Variants in GALNT10 observed in about 807,000 individuals in gnomAD.
The protein encoded by GALNT10 is polypeptide N-acetylgalactosaminyltransferase 10.
In GALNT10, 41 loss-of-function variants were observed where a neutral mutation model predicts 75.0. That is an observed-to-expected ratio of 0.55 (90% CI 0.43 to 0.71). GALNT10 has a LOEUF of 0.71. Among genes scored for constraint, GALNT10 ranks in the 30% least tolerant of loss-of-function variants. GALNT10 has a pLI of 0.00. For synonymous variants in GALNT10, 302 were observed against 313.0 expected (o/e 0.96, Z 0.37); for missense variants, 727 against 818.5 (o/e 0.89, Z 1.36).
intron 1 of GALNT10, among the ~76,000 whole-genome samples, chr5:154,239,235 C>T (rs1157610381): frequency 6.6e-6 from 1 of 152,218 alleles, no homozygotes; most frequent in Non-Finnish European, 1.5e-5. Context: ...CAGGAGTCCT[C>T]TGCTGCCACT....
intron 7 of GALNT10, among the ~76,000 whole-genome samples, chr5:154,389,896 G>A (rs530336556): frequency 6.6e-6 from 1 of 151,684 alleles, no homozygotes; most frequent in East Asian, 1.9e-4. Flanking sequence ...TTAAAATATT[G>A]TATTAAATAC....
At chr5:154,219,110 C>G (rs901316075) in intron 1 of GALNT10, among the ~76,000 whole-genome samples, 1 of 152,230 alleles carries the variant, frequency 6.6e-6, no homozygotes, top group Non-Finnish European at 1.5e-5. Flanking sequence ...CATCTGTAGT[C>G]GTAGTCCCCT....
intron 1 of GALNT10, among the ~76,000 whole-genome samples, chr5:154,211,898 C>T (rs1471172914): frequency 6.6e-6 from 1 of 152,182 alleles, no homozygotes; most frequent in African/African-American, 2.4e-5. Context: ...AGCCACAGTC[C>T]TTCTAGGACC....
chr5:154,212,110 T>A (rs1581920466), intron 1 of GALNT10, among the ~76,000 whole-genome samples: 1 of 152,270 alleles, frequency 6.6e-6, no homozygotes, highest in East Asian at 1.9e-4. Flanking sequence ...GAAGTTTACA[T>A]CATCTGTTGA....
intron 1 of GALNT10, among the ~76,000 whole-genome samples, chr5:154,209,081 A>G (rs1188273353): frequency 6.6e-6 from 1 of 152,220 alleles, no homozygotes; most frequent in Non-Finnish European, 1.5e-5. Context: ...CACCCAAGGG[A>G]ATGGGTGCTG....
intron 6 of GALNT10, among the ~76,000 whole-genome samples, chr5:154,385,608 A>T (rs1259253394): frequency 6.6e-6 from 1 of 151,994 alleles, no homozygotes; most frequent in Non-Finnish European, 1.5e-5. Flanking sequence ...GGGCTGCCCC[A>T]CTACACCAAC....
chr5:154,327,273 T>C (rs1248870291), intron 3 of GALNT10, among the ~76,000 whole-genome samples: 1 of 152,154 alleles, frequency 6.6e-6, no homozygotes, highest in African/African-American at 2.4e-5. Flanking sequence ...GCATAGAAAC[T>C]ATAACCAACC....
At chr5:154,372,967 T>C (rs1442580366) in intron 4 of GALNT10, among the ~76,000 whole-genome samples, 1 of 152,188 alleles carries the variant, frequency 6.6e-6, no homozygotes, top group East Asian at 1.9e-4. Context: ...TGAGTCATTA[T>C]TAAATTAGGG....
intron 1 of GALNT10, chr5:154,218,278 T>C (rs1291949918): frequency 3.8e-6 from 1 of 260,714 alleles, no homozygotes; most frequent in African/African-American, 2.3e-5. Flanking sequence ...GAGATTCTCA[T>C]TGAATTCTCC....
intron 1 of GALNT10, among the ~76,000 whole-genome samples, chr5:154,221,320 G>A (rs1752974877): frequency 6.6e-6 from 1 of 152,174 alleles, no homozygotes; most frequent in South Asian, 2.1e-4. Flanking sequence ...GGAGCACTGG[G>A]AAGGCCCCAT....
At chr5:154,282,676 A>C (rs1754056057) in intron 1 of GALNT10, among the ~76,000 whole-genome samples, 1 of 152,218 alleles carries the variant, frequency 6.6e-6, no homozygotes, top group African/African-American at 2.4e-5. Flanking sequence ...TTTGTAGCCC[A>C]TTAAGTTGAC....
At chr5:154,359,656 T>G (rs1247103203) in intron 4 of GALNT10, among the ~76,000 whole-genome samples, 1 of 151,950 alleles carries the variant, frequency 6.6e-6, no homozygotes, top group African/African-American at 2.4e-5. Flanking sequence ...AGGGTATGGC[T>G]TCCTCTTTGA....
At chr5:154,268,624 A>C (rs1480271503) in intron 1 of GALNT10, among the ~76,000 whole-genome samples, 1 of 152,200 alleles carries the variant, frequency 6.6e-6, no homozygotes, top group African/African-American at 2.4e-5. Flanking sequence ...TATTCAAGGA[A>C]GTGTGTTGGT....
At chr5:154,219,812 G>GCTCTCTCTCT (rs60804248) in intron 1 of GALNT10, 2 of 140,800 alleles carry the variant, frequency 1.4e-5, no homozygotes, top group Admixed American at 7.2e-5. Context: ...ACTCTCTCGC[G>GCTCTCTCTCT]CTCTCTCTCT....
At chr5:154,337,774 C>G in intron 4 of GALNT10, 1 of 1,107,068 alleles carries the variant, frequency 9.0e-7, no homozygotes, top group Non-Finnish European at 1.4e-6. Context: ...AAGTTTCATC[C>G]ATGACCAAAG....
At chr5:154,379,645 G>T (rs1450278211) in intron 5 of GALNT10, among the ~76,000 whole-genome samples, 2 of 152,216 alleles carry the variant, frequency 1.3e-5, no homozygotes, top group Admixed American at 1.3e-4. Flanking sequence ...ACCAAAGCTG[G>T]AATTGTGTTG....
At chr5:154,368,244 A>T (rs897187925) in intron 4 of GALNT10, among the ~76,000 whole-genome samples, 1 of 152,224 alleles carries the variant, frequency 6.6e-6, no homozygotes, top group Admixed American at 6.5e-5. Flanking sequence ...AAAGGAATGT[A>T]CCCAGCATAG....
rs531855277 is a variant in GALNT10, at chr5:154,317,996, G to A, written c.402-11576G>A. ...TCAATCTCAACAGAAAAGAACTTGC[G>A]TCTTTCCCAGTTGTCTCAGCAAAGA... On this transcript the variant is annotated intron_variant, in intron 3 of 11. Transcript: ENST00000297107. 1.1e-4 allele frequency among the ~76,000 whole-genome samples: 16 copies of A among 152,342 alleles called. No homozygotes were observed. The South Asian group carries it at 2.1e-3, about 20-fold the overall frequency.
At chr5:154,400,208 G>T (rs1463141051) in intron 7 of GALNT10, among the ~76,000 whole-genome samples, 3 of 152,178 alleles carry the variant, frequency 2.0e-5, no homozygotes, top group African/African-American at 7.2e-5. Context: ...CATGGCGGGG[G>T]CGGGGGTGAG....
Sources: allele counts gnomAD v4.1 joint callset (sites outside exome capture counted in the v4.1 genomes callset), GRCh38; gene constraint gnomAD v4.1.1; transcripts MANE v1.5; gene names NCBI Gene and HGNC (gene_info 2026-07-23, HGNC 2026-07-21).